Variants in SPECC1 observed in about 807,000 individuals in gnomAD.
The protein encoded by SPECC1 is cytospin-B.
In SPECC1, 62 loss-of-function variants were observed where a neutral mutation model predicts 104.1. The ratio of observed to expected loss-of-function variants is 0.60; its 90% CI spans 0.49 to 0.74. The LOEUF (loss-of-function observed/expected upper bound fraction) is 0.74. SPECC1 is among the 30% of genes least tolerant of loss of function. The pLI, the probability that SPECC1 is intolerant of heterozygous loss-of-function variation, is 0.00. For missense variants in SPECC1, 1,306 were observed against 1,310.5 expected, an observed-to-expected ratio of 1.00 and a Z score of 0.05; for synonymous variants, 513 against 501.6, an observed-to-expected ratio of 1.02 and a Z score of -0.30.
chr17:20,302,138 G>A (rs1028251480), intron 13 of SPECC1, among the ~76,000 whole-genome samples: 1 of 152,256 alleles, frequency 6.6e-6, no homozygotes, highest in African/African-American at 2.4e-5. Context: ...AATGAATGAA[G>A]TGTGACCCTG....
rs1455336336 is a variant in SPECC1, at chr17:20,315,075, C to T, written c.*1010C>T. ...TTCACATCCACACAGGCTTGTACCCCACAGAACTTGACAGGAGGTCACATG... is the reference window on the plus strand; with the variant it reads ...TTCACATCCACACAGGCTTGTACCCTACAGAACTTGACAGGAGGTCACATG... On this transcript the variant is annotated 3_prime_UTR_variant, in exon 15 of 15. Coordinates refer to ENST00000395527, the MANE Select transcript of SPECC1 (RefSeq NM_001243439.2). 1 of 232,864 alleles carries T rather than the reference C, an allele frequency of 4.3e-6. No individual in the cohort carries two copies. Among genetic ancestry groups the T allele is most frequent in the East Asian group, 6.0e-5 (1 of 16,560 alleles). 14.4% of individuals were successfully genotyped at this position (232,864 alleles called of 1,614,324 possible).
chr17:20,094,857 C>T (rs2047570400), intron 1 of SPECC1, among the ~76,000 whole-genome samples: 1 of 152,158 alleles, frequency 6.6e-6, no homozygotes, highest in Non-Finnish European at 1.5e-5. Flanking sequence ...ACTTTGGCCT[C>T]CCAAAATATT....
At chr17:20,188,799 C>T (rs769100628) in intron 3 of SPECC1, among the ~76,000 whole-genome samples, 1 of 152,124 alleles carries the variant, frequency 6.6e-6, no homozygotes, top group African/African-American at 2.4e-5. Context: ...AGGATACGGA[C>T]GATTCCTTAA....
chr17:20,051,172 CCTT>C (rs1181834848), intron 1 of SPECC1, among the ~76,000 whole-genome samples: 12 of 146,618 alleles, frequency 8.2e-5, no homozygotes, highest in South Asian at 6.6e-4. Flanking sequence ...TTCCTTCTTT[CCTT>C]CTTTCTTTCC....
intron 1 of SPECC1, among the ~76,000 whole-genome samples, chr17:20,019,775 C>T (rs564852620): frequency 3.9e-5 from 6 of 152,298 alleles, no homozygotes; most frequent in African/African-American, 1.4e-4. Flanking sequence ...AGCTTTCCCA[C>T]GGAGCCACCC....
At chr17:20,253,440 A>G in intron 9 of SPECC1, 65 bp from the exon 10 acceptor site, 5 of 1,526,226 alleles carry the variant, frequency 3.3e-6, no homozygotes, top group Middle Eastern at 1.9e-4. Context: ...ACACACACAC[A>G]TCTGTGTTTG....
chr17:20,241,176 G>A (rs2039183531), intron 7 of SPECC1, among the ~76,000 whole-genome samples: 1 of 152,226 alleles, frequency 6.6e-6, no homozygotes, highest in South Asian at 2.1e-4. Context: ...GTAGAGAAGG[G>A]TGAGTGCCTA....
chr17:20,061,464 A>C (rs1471303443), intron 1 of SPECC1, among the ~76,000 whole-genome samples: 3 of 152,234 alleles, frequency 2.0e-5, no homozygotes, highest in Non-Finnish European at 4.4e-5. Context: ...TTGTATGTAC[A>C]TTGGGCTGTA....
intron 1 of SPECC1, among the ~76,000 whole-genome samples, chr17:20,021,935 A>T (rs989240342): frequency 2.7e-5 from 4 of 148,912 alleles, no homozygotes; most frequent in East Asian, 3.9e-4. Context: ...TTATTATTAT[A>T]ATTATAATTA....
chr17:20,127,572 T>G (rs1196680290), intron 3 of SPECC1, among the ~76,000 whole-genome samples: 2 of 151,236 alleles, frequency 1.3e-5, no homozygotes, highest in Non-Finnish European at 2.9e-5. Flanking sequence ...GCTCTCAAAG[T>G]GATGGGATTA....
intron 1 of SPECC1, among the ~76,000 whole-genome samples, chr17:20,020,416 A>T (rs1205746361): frequency 6.7e-6 from 1 of 149,652 alleles, no homozygotes; most frequent in Non-Finnish European, 1.5e-5. Context: ...GCTCCCTGCA[A>T]CCTCCGCCTC....
rs750469139 is a variant in SPECC1, at chr17:20,139,666, C to CTTAT, written c.283+29123_283+29126dup. Among the ~76,000 whole-genome samples, 107 of 152,034 alleles carry CTTAT rather than the reference C, an allele frequency of 7.0e-4. 3 individuals are homozygous for CTTAT. Among genetic ancestry groups the CTTAT allele is most frequent in the Non-Finnish European group, 4.3e-4 (29 of 68,004 alleles). On this transcript the variant is annotated intron_variant, in intron 3 of 14. Coordinates refer to ENST00000395527, the MANE Select transcript of SPECC1 (RefSeq NM_001243439.2). Reference sequence around the variant, plus strand: ...TCATCTACAGTTGCATCTTACACTTCTTATTTATTTATTTATTTATTTTTT... The same window carrying CTTAT: ...TCATCTACAGTTGCATCTTACACTTCTTATTTATTTATTTATTTATTTATTTTTT...
intron 3 of SPECC1, among the ~76,000 whole-genome samples, chr17:20,168,224 A>G (rs999762159): frequency 3.3e-5 from 5 of 152,222 alleles, no homozygotes; most frequent in Non-Finnish European, 5.9e-5. Context: ...CTTAACTGAC[A>G]TATCAGCCAC....
intron 7 of SPECC1, 111 bp from the exon 8 acceptor site, chr17:20,245,815 C>A: frequency 7.9e-7 from 1 of 1,261,444 alleles, no homozygotes; most frequent in Non-Finnish European, 1.1e-6. Context: ...TTCAGAATTT[C>A]CCTTCCAGCT....
At chr17:20,277,328 T>C (rs749665115) in intron 12 of SPECC1, among the ~76,000 whole-genome samples, 2 of 152,230 alleles carry the variant, frequency 1.3e-5, no homozygotes, top group Non-Finnish European at 2.9e-5. Flanking sequence ...CTCTCCAACC[T>C]AATTGGGTAA....
chr17:20,165,364 G>A (rs1404371819), intron 3 of SPECC1, among the ~76,000 whole-genome samples: 1 of 152,110 alleles, frequency 6.6e-6, no homozygotes, highest in Admixed American at 6.6e-5. Context: ...AGCTCCATCC[G>A]TGTCCCTGCA....
chr17:20,200,151 T>A (rs534977716), intron 3 of SPECC1, among the ~76,000 whole-genome samples: 1 of 152,338 alleles, frequency 6.6e-6, no homozygotes, highest in East Asian at 1.9e-4. Context: ...TTTGGCTAAC[T>A]CCTGTTTTCT....
chr17:20,253,216 A>G (rs1052969003), intron 9 of SPECC1, among the ~76,000 whole-genome samples: 1 of 152,208 alleles, frequency 6.6e-6, no homozygotes, highest in Non-Finnish European at 1.5e-5. Context: ...CATTCCAGGA[A>G]AGATATTCAC....
chr17:20,275,344 T>G (rs990691790), intron 12 of SPECC1, among the ~76,000 whole-genome samples: 1 of 152,212 alleles, frequency 6.6e-6, no homozygotes, highest in African/African-American at 2.4e-5. Flanking sequence ...AAATGAAGTT[T>G]TGTCTCAATA....
Sources: gnomAD v4.1 joint callset for allele counts (sites outside exome capture counted in the v4.1 genomes callset) on GRCh38, gnomAD v4.1.1 for gene constraint, MANE v1.5 for transcripts, NCBI Gene and HGNC (gene_info 2026-07-23, HGNC 2026-07-21) for gene names.